COL25A1: variants seen among roughly 807,000 people sequenced by gnomAD.
COL25A1 encodes collagen alpha-1(XXV) chain.
COL25A1 carries 103 observed loss-of-function variants against 128.4 expected under a neutral mutation model. The observed-to-expected ratio is 0.80, with a 90% CI of 0.68 to 0.94. COL25A1 has a LOEUF of 0.94. Among genes scored for constraint, COL25A1 ranks in the 40% least tolerant of loss-of-function variants. The pLI is 0.00. For synonymous variants in COL25A1, 279 were observed against 277.2 expected, an observed-to-expected ratio of 1.01 and a Z score of -0.06; for missense variants, 745 against 840.0, an observed-to-expected ratio of 0.89 and a Z score of 1.40.
intron 6 of COL25A1, among the ~76,000 whole-genome samples, chr4:108,991,838 A>C (rs1051056792): frequency 2.0e-5 from 3 of 152,172 alleles, no homozygotes; most frequent in Admixed American, 1.3e-4. Flanking sequence ...CTTAGTATAT[A>C]ATTAAAAACA....
chr4:109,186,482 A>T (rs1388743893), intron 3 of COL25A1, among the ~76,000 whole-genome samples: 1 of 152,200 alleles, frequency 6.6e-6, no homozygotes, highest in Non-Finnish European at 1.5e-5. Flanking sequence ...CTCATCAATT[A>T]CATTATTGTA....
chr4:108,987,242 A>G (rs1753736786), intron 6 of COL25A1, among the ~76,000 whole-genome samples: 1 of 151,998 alleles, frequency 6.6e-6, no homozygotes, highest in Non-Finnish European at 1.5e-5. Context: ...CCTGTCTTCA[A>G]TACCATCTAT....
At chr4:108,955,970 T>C (rs947312562) in intron 8 of COL25A1, among the ~76,000 whole-genome samples, 14 of 152,300 alleles carry the variant, frequency 9.2e-5, no homozygotes, top group African/African-American at 3.1e-4. Context: ...TTCAAAATAC[T>C]GAGCATTTGC....
At chr4:109,008,246 C>A (rs1418400600) in intron 6 of COL25A1, among the ~76,000 whole-genome samples, 1 of 152,170 alleles carries the variant, frequency 6.6e-6, no homozygotes, top group Non-Finnish European at 1.5e-5. Context: ...ACAGTAAAGG[C>A]AGGGAACTTA....
intron 5 of COL25A1, among the ~76,000 whole-genome samples, chr4:109,024,732 G>A (rs950783825): frequency 3.3e-5 from 5 of 151,840 alleles, no homozygotes; most frequent in South Asian, 4.2e-4. Context: ...TTCCATATTA[G>A]TCATTTACTC....
chr4:109,233,741 C>A (rs1390378406), intron 3 of COL25A1, among the ~76,000 whole-genome samples: 1 of 152,052 alleles, frequency 6.6e-6, no homozygotes, highest in Non-Finnish European at 1.5e-5. Context: ...CTATATAGTG[C>A]ATGAAGCCCC....
chr4:109,220,141 A>G (rs1778310729), intron 3 of COL25A1, among the ~76,000 whole-genome samples: 1 of 152,176 alleles, frequency 6.6e-6, no homozygotes, highest in Non-Finnish European at 1.5e-5. Context: ...TAAGGGAAAA[A>G]TTCATCCAAA....
At chr4:109,010,251 AT>A in intron 6 of COL25A1, 106 bp downstream of exon 6, 1 of 885,908 alleles carries the variant, frequency 1.1e-6, no homozygotes, top group Non-Finnish European at 1.8e-6. Flanking sequence ...TGGTGTTGTG[AT>A]TATCAGTTCA....
At chr4:109,163,610 A>G (rs1772790714) in intron 3 of COL25A1, among the ~76,000 whole-genome samples, 1 of 152,226 alleles carries the variant, frequency 6.6e-6, no homozygotes, top group Admixed American at 6.5e-5. Flanking sequence ...CCTAAACAGC[A>G]TGAATGGCTA....
At chr4:109,293,475 T>C (rs547175291) in intron 3 of COL25A1, among the ~76,000 whole-genome samples, 62 of 152,204 alleles carry the variant, frequency 4.1e-4, no homozygotes, top group Admixed American at 7.2e-4. Flanking sequence ...AATATTACCA[T>C]AATGTACAAA....
At chr4:109,069,694 A>C (rs1029905223) in intron 3 of COL25A1, among the ~76,000 whole-genome samples, 1 of 152,200 alleles carries the variant, frequency 6.6e-6, no homozygotes, top group Non-Finnish European at 1.5e-5. Flanking sequence ...GCAAGCCAAG[A>C]CAAGAACACT....
At chr4:109,111,365 G>A (rs1306294271) in intron 3 of COL25A1, among the ~76,000 whole-genome samples, 2 of 152,072 alleles carry the variant, frequency 1.3e-5, no homozygotes, top group Non-Finnish European at 2.9e-5. Flanking sequence ...ATATCCTCCT[G>A]GCTTCCCATT....
chr4:109,302,359 T>G lies in COL25A1; in HGVS notation c.-247A>C. 1.6e-5 allele frequency: 4 copies of G among 247,306 alleles called. No homozygotes were observed. The highest frequency in any genetic ancestry group is 3.1e-5 in the Non-Finnish European group (4 of 130,036). The allele number at this position is 247,306 out of a possible 1,614,324, so 15.3% of individuals were successfully genotyped here. A position where few individuals can be genotyped will look rare whatever the true frequency, so the allele number is the denominator to read the frequency against. ...ACACCTCTTTCGAGGGCCCCAACAG[T>G]GGCCGCTCAGGGTCCGAGGGCAACG... On this transcript the variant is annotated 5_prime_UTR_variant, in exon 1 of 38. Transcript: ENST00000399132.
chr4:109,116,089 G>A (rs1767527131), intron 3 of COL25A1, among the ~76,000 whole-genome samples: 2 of 152,008 alleles, frequency 1.3e-5, no homozygotes, highest in Admixed American at 1.3e-4. Context: ...AACCCGAAGT[G>A]TAGTTGATGA....
chr4:109,202,827 A>C (rs999151057), intron 3 of COL25A1, among the ~76,000 whole-genome samples: 4 of 152,178 alleles, frequency 2.6e-5, no homozygotes, highest in African/African-American at 9.6e-5. Context: ...GGAGATAATA[A>C]TACTTTTGTA....
chr4:109,007,366 A>C (rs754906249), intron 6 of COL25A1, among the ~76,000 whole-genome samples: 1 of 152,230 alleles, frequency 6.6e-6, no homozygotes, highest in Admixed American at 6.5e-5. Context: ...AGTATCATAA[A>C]TATGAGCACT....
intron 11 of COL25A1, among the ~76,000 whole-genome samples, chr4:108,931,662 G>T (rs1286053172): frequency 6.6e-6 from 1 of 152,138 alleles, no homozygotes; most frequent in Non-Finnish European, 1.5e-5. Flanking sequence ...GTGCACGTAG[G>T]AATCAACACA....
chr4:109,049,055 G>A (rs1760733191), intron 4 of COL25A1, among the ~76,000 whole-genome samples: 1 of 151,914 alleles, frequency 6.6e-6, no homozygotes, highest in South Asian at 2.1e-4. Flanking sequence ...CAACTACACT[G>A]CTCAAATTAA....
chr4:108,901,117 A>G lies in COL25A1; in HGVS notation c.834+2T>C. On this transcript the variant is annotated splice_donor_variant, in intron 14 of 37. Coordinates refer to ENST00000399132, the MANE Select transcript of COL25A1 (RefSeq NM_198721.4). LOFTEE classifies it high-confidence loss of function. ...ATTCTGCTTGGCTTTATTTGTACTA[A>G]CCTTAGGTCCTGGTATTCCATTCTG... 1 of 1,610,242 alleles carries G rather than the reference A, an allele frequency of 6.2e-7. No homozygotes were observed. The highest frequency in any genetic ancestry group is 8.5e-7 in the Non-Finnish European group (1 of 1,176,952).
Sources: allele counts gnomAD v4.1 joint callset (sites outside exome capture counted in the v4.1 genomes callset), GRCh38; gene constraint gnomAD v4.1.1; transcripts MANE v1.5; gene names NCBI Gene and HGNC (gene_info 2026-07-23, HGNC 2026-07-21).